Variants in ARHGAP26 observed in about 807,000 individuals in gnomAD.
The protein encoded by ARHGAP26 is Rho GTPase activating protein 26, also known as rho GTPase-activating protein 26.
Under a neutral mutation model 104.8 loss-of-function variants are expected in ARHGAP26, and 38 were observed. That is an observed-to-expected ratio of 0.36 (90% CI 0.28 to 0.48). The LOEUF (loss-of-function observed/expected upper bound fraction) is 0.48, where lower values mean the gene tolerates loss of function less well. Ranked by LOEUF, ARHGAP26 falls within the 20% of genes least tolerant of loss-of-function variation. ARHGAP26 has a pLI of 0.99. For synonymous variants in ARHGAP26, 341 were observed against 340.0 expected (o/e 1.00, Z -0.03); for missense variants, 704 against 947.9 (o/e 0.74, Z 3.38).
intron 11 of ARHGAP26, among the ~76,000 whole-genome samples, chr5:142,939,665 T>C (rs981556157): frequency 1.3e-5 from 2 of 152,220 alleles, no homozygotes; most frequent in Non-Finnish European, 2.9e-5. Flanking sequence ...CAGAATGTTA[T>C]GGTGGTTAAG....
At chr5:143,006,996 G>A (rs1237943512) in intron 11 of ARHGAP26, among the ~76,000 whole-genome samples, 2 of 151,998 alleles carry the variant, frequency 1.3e-5, no homozygotes, top group Admixed American at 6.5e-5. Context: ...TTGGGAGGCC[G>A]AGGCGGGTGG....
Position 143,214,044 on chromosome 5 carries a change from A to G in ARHGAP26, c.2147A>G (p.His716Arg). 6.3e-7 allele frequency: 1 copy of G among 1,581,860 alleles called. No individual in the cohort carries two copies. The highest frequency in any genetic ancestry group is 8.6e-7 in the Non-Finnish European group (1 of 1,160,420). The change falls in exon 22 of 23, where the codon CAT becomes CGT. Residue 716 changes from histidine (H) to arginine (R), a missense_variant. Around this residue, in one of 6 missense-constraint regions of ARHGAP26, gnomAD observed 217 missense variants for 242.6 expected, o/e 0.89. Transcript: ENST00000645722. Reference protein sequence around the residue: ...AKALYACKAEHDSELSFTAGT... With the variant: ...AKALYACKAERDSELSFTAGT... Reference sequence around the variant, plus strand: ...GCCTTGTATGCCTGCAAAGCTGAACATGACTCAGAACTTTCGTTCACAGCA... The same window carrying G: ...GCCTTGTATGCCTGCAAAGCTGAACGTGACTCAGAACTTTCGTTCACAGCA...
intron 17 of ARHGAP26, among the ~76,000 whole-genome samples, chr5:143,115,193 C>T (rs1435230442): frequency 6.6e-6 from 1 of 151,884 alleles, no homozygotes; most frequent in Admixed American, 6.6e-5. Flanking sequence ...GTTAGCCAGG[C>T]ATGGTGGTAT....
At chr5:143,031,041 G>C (rs1781765213) in intron 12 of ARHGAP26, among the ~76,000 whole-genome samples, 1 of 152,240 alleles carries the variant, frequency 6.6e-6, no homozygotes, top group Non-Finnish European at 1.5e-5. Context: ...CTTGAGGAAA[G>C]GACACTTGAG....
intron 1 of ARHGAP26, among the ~76,000 whole-genome samples, chr5:142,841,502 A>G (rs1360730116): frequency 1.3e-5 from 2 of 152,224 alleles, no homozygotes; most frequent in Non-Finnish European, 2.9e-5. Flanking sequence ...GAGCCTTCAC[A>G]TTGAATAAGA....
At chr5:143,064,421 G>T (rs748645658) in intron 17 of ARHGAP26, among the ~76,000 whole-genome samples, 11 of 149,278 alleles carry the variant, frequency 7.4e-5, no homozygotes, top group Non-Finnish European at 1.5e-4. Context: ...TTTTCTCCTG[G>T]AAGATTTATT....
chr5:143,059,444 T>C (rs1424893959), intron 17 of ARHGAP26, among the ~76,000 whole-genome samples: 1 of 152,234 alleles, frequency 6.6e-6, no homozygotes, highest in Non-Finnish European at 1.5e-5. Flanking sequence ...TAGGATTCTT[T>C]AAAGAAGAAG....
chr5:142,823,642 G>A (rs35301), intron 1 of ARHGAP26, among the ~76,000 whole-genome samples: 18,163 of 152,248 alleles, frequency 0.12, 1,415 homozygotes, highest in East Asian at 0.3. Context: ...CTTCCTCAAG[G>A]TGTAGGACCA....
intron 1 of ARHGAP26, among the ~76,000 whole-genome samples, chr5:142,794,579 C>A (rs1463843373): frequency 6.6e-6 from 1 of 152,046 alleles, no homozygotes; most frequent in Non-Finnish European, 1.5e-5. Flanking sequence ...AAATGAGATA[C>A]TTTTAGTATT....
At chr5:142,828,251 C>T (rs1767692215) in intron 1 of ARHGAP26, among the ~76,000 whole-genome samples, 2 of 152,296 alleles carry the variant, frequency 1.3e-5, no homozygotes, top group Middle Eastern at 3.4e-3. Flanking sequence ...ACATCTCCAC[C>T]CTTTCTTATG....
chr5:143,048,757 T>C (rs1784570921), intron 14 of ARHGAP26, among the ~76,000 whole-genome samples: 1 of 150,956 alleles, frequency 6.6e-6, no homozygotes, highest in African/African-American at 2.4e-5. Context: ...CTACTAAAAA[T>C]ACAAAAATTA....
chr5:143,147,184 C>T (rs1799266692), intron 19 of ARHGAP26, 47 bp from the exon 20 acceptor site: 1 of 1,595,498 alleles, frequency 6.3e-7, no homozygotes, highest in Non-Finnish European at 8.6e-7. Context: ...AATAGACTGT[C>T]CCTATGCAAT....
At chr5:143,218,787 G>C (rs943046076) in intron 22 of ARHGAP26, among the ~76,000 whole-genome samples, 1 of 152,236 alleles carries the variant, frequency 6.6e-6, no homozygotes. Flanking sequence ...AGCCCAACAA[G>C]CACTTAGCAT....
intron 20 of ARHGAP26, among the ~76,000 whole-genome samples, chr5:143,151,784 C>T (rs1375841908): frequency 6.6e-6 from 1 of 152,046 alleles, no homozygotes; most frequent in Non-Finnish European, 1.5e-5. Context: ...GGTGAAACCC[C>T]ATCTCTACTA....
intron 20 of ARHGAP26, among the ~76,000 whole-genome samples, chr5:143,178,889 C>T (rs853161): frequency 0.36 from 52,144 of 145,674 alleles, 10,501 homozygotes; most frequent in African/African-American, 0.62. Flanking sequence ...TTTTTTTTTT[C>T]CAAGGAGTCT....
chr5:142,781,720 GC>G (rs1757523927), intron 1 of ARHGAP26, among the ~76,000 whole-genome samples: 1 of 152,062 alleles, frequency 6.6e-6, no homozygotes, highest in African/African-American at 2.4e-5. Flanking sequence ...AGAATTCATG[GC>G]TTTTTTTTGA....
At chr5:143,033,881 A>G (rs1039902825) in intron 12 of ARHGAP26, among the ~76,000 whole-genome samples, 1 of 152,242 alleles carries the variant, frequency 6.6e-6, no homozygotes, top group Non-Finnish European at 1.5e-5. Context: ...TCGTAGTTAT[A>G]AACATTTTGG....
intron 1 of ARHGAP26, among the ~76,000 whole-genome samples, chr5:142,795,210 T>C (rs571507927): frequency 6.6e-6 from 1 of 152,218 alleles, no homozygotes; most frequent in Non-Finnish European, 1.5e-5. Context: ...CCATTGACTG[T>C]ATGGGCATTT....
chr5:143,132,186 G>A (rs1390242103), intron 18 of ARHGAP26, among the ~76,000 whole-genome samples: 1 of 152,086 alleles, frequency 6.6e-6, no homozygotes, highest in Non-Finnish European at 1.5e-5. Context: ...GATTTAACCA[G>A]CTGGCTGGCA....
Sources: gnomAD v4.1 joint callset for allele counts (sites outside exome capture counted in the v4.1 genomes callset) on GRCh38, gnomAD v4.1.1 for gene constraint, gnomAD v4.1.1 regional missense constraint, MANE v1.5 for transcripts, NCBI Gene and HGNC (gene_info 2026-07-23, HGNC 2026-07-21) for gene names.